Variants in GTSF1 observed in about 807,000 individuals in gnomAD.
GTSF1 encodes gametocyte specific factor 1.
A neutral mutation model predicts 28.9 loss-of-function variants in GTSF1; 11 were observed. The observed-to-expected ratio is 0.38, with a 90% CI of 0.24 to 0.63. The LOEUF is 0.63. Ranked by LOEUF, GTSF1 falls within the 30% of genes least tolerant of loss-of-function variation. GTSF1 has a pLI of 0.56. For missense variants in GTSF1, 146 were observed against 201.0 expected, an observed-to-expected ratio of 0.73 and a Z score of 1.66; for synonymous variants, 69 against 65.6, an observed-to-expected ratio of 1.05 and a Z score of -0.25.
At chr12:54,471,177 T>A (rs1416325665) in intron 2 of GTSF1, 56 bp downstream of exon 2, 5 of 1,395,352 alleles carry the variant, frequency 3.6e-6, no homozygotes, top group Non-Finnish European at 4.9e-6. Context: ...TTGTCAGATA[T>A]AAAACTATAC....
rs748392450 is a variant in GTSF1, at chr12:54,465,200, G to A, written c.17-33C>T. 1.3e-5 allele frequency: 18 copies of A among 1,413,532 alleles called. No individual in the cohort carries two copies. In the South Asian group the frequency reaches 1.8e-4, roughly 14 times the overall value. The allele number at this position is 1,413,532 out of a possible 1,614,324, so 87.6% of individuals were successfully genotyped here. ...ACAGAAGTGTTTCAGTAGGTAAAACGATAATAGGCCCTTGTAAAACTACAG... is the reference window on the plus strand; with the variant it reads ...ACAGAAGTGTTTCAGTAGGTAAAACAATAATAGGCCCTTGTAAAACTACAG... On this transcript the variant is annotated intron_variant, in intron 2 of 8. Transcript: ENST00000305879.
intron 7 of GTSF1, 39 bp downstream of exon 7, chr12:54,460,338 A>G: frequency 2.1e-6 from 3 of 1,402,666 alleles, no homozygotes; most frequent in Middle Eastern, 1.8e-4. Flanking sequence ...ATTTAGCACA[A>G]TGAAAAGAGT....
Position 54,462,245 on chromosome 12 carries a change from A to G in GTSF1, c.329-73T>C. 6 of 1,079,778 alleles carry G rather than the reference A, an allele frequency of 5.6e-6. No individual in the cohort carries two copies. The South Asian group carries it at 7.8e-5, about 14-fold the overall frequency. The allele number at this position is 1,079,778 out of a possible 1,614,324, so 66.9% of individuals were successfully genotyped here. A position where few individuals can be genotyped will look rare whatever the true frequency, so the allele number is the denominator to read the frequency against. ...CCAGCAGTTCATGTTGGTTGAATTT[A>G]TAAGATGGGAAATAATACACCTAAG... On this transcript the variant is annotated intron_variant, in intron 5 of 8. Coordinates refer to ENST00000305879, the MANE Select transcript of GTSF1 (RefSeq NM_144594.3).
Position 54,471,288 on chromosome 12 carries a change from CAA to C in GTSF1, c.-29-13_-29-12del. ...AGCTGAATCCAAGTGCTGGAAAAAA[CAA>C]AAGTGTGATTCAGGAAATCAGAAAT... On this transcript the variant is annotated splice_polypyrimidine_tract_variant and intron_variant, in intron 1 of 8. Coordinates refer to ENST00000305879, the MANE Select transcript of GTSF1 (RefSeq NM_144594.3). 1 of 1,578,204 alleles carries C rather than the reference CAA, an allele frequency of 6.3e-7. No homozygotes were observed. The highest frequency in any genetic ancestry group is 8.6e-7 in the Non-Finnish European group (1 of 1,161,436).
chr12:54,471,349 G>C, intron 1 of GTSF1, 72 bp from the exon 2 acceptor site: 15 of 1,022,714 alleles, frequency 1.5e-5, no homozygotes, highest in Non-Finnish European at 2.1e-5. Context: ...AAGAAGTGGA[G>C]TCACTTCTGG....
Position 54,462,669 on chromosome 12 carries a change from G to C in GTSF1, c.301C>G (p.Pro101Ala), listed in dbSNP as rs139450585. Reference protein sequence around the residue: ...ETLAESTWQCPPCDEDWDKDL... With the variant: ...ETLAESTWQCAPCDEDWDKDL... ...TTATCCCAGTCTTCATCGCAAGGAG[G>C]GCACTGCCAAGTGCTCTCAGCCAGA... Residue 101 changes from proline (P) to alanine (A), a missense_variant, in exon 5 of 9, where the codon CCT (proline) becomes GCT (alanine). Pro to Ala is a conservative substitution (Grantham distance 27). Coordinates refer to ENST00000305879, the MANE Select transcript of GTSF1 (RefSeq NM_144594.3). 13 of 1,613,768 alleles carry C rather than the reference G, an allele frequency of 8.1e-6. No individual in the cohort carries two copies. The highest frequency in any genetic ancestry group is 1.0e-5 in the Non-Finnish European group (12 of 1,179,798).
chr12:54,470,500 C>A (rs1244569250), intron 2 of GTSF1, among the ~76,000 whole-genome samples: 1 of 152,096 alleles, frequency 6.6e-6, no homozygotes, highest in Non-Finnish European at 1.5e-5. Context: ...ACTGAAATAT[C>A]CTTTAGTTGG....
intron 5 of GTSF1, 48 bp downstream of exon 5, chr12:54,462,594 G>T: frequency 1.4e-6 from 2 of 1,451,804 alleles, no homozygotes; most frequent in South Asian, 2.3e-5. Flanking sequence ...TTAAGCAAAT[G>T]ACTTGAGATT....
At chr12:54,465,215 T>C in intron 2 of GTSF1, 48 bp from the exon 3 acceptor site, 1 of 1,248,422 alleles carries the variant, frequency 8.0e-7, no homozygotes, top group Non-Finnish European at 1.2e-6. Flanking sequence ...TAGGCCCTTG[T>C]AAAACTACAG....
In GTSF1 at chr12:54,460,407, AT is replaced by A. The variant is rs1334057950; in HGVS notation, c.456del (p.Lys152AsnfsTer18). 1 of 1,613,860 alleles carries A rather than the reference AT, an allele frequency of 6.2e-7. No individual in the cohort carries two copies. Among genetic ancestry groups the A allele is most frequent in the Admixed American group, 1.7e-5 (1 of 60,008 alleles). On this transcript the variant is annotated frameshift_variant, in exon 7 of 9. Coordinates refer to ENST00000305879, the MANE Select transcript of GTSF1 (RefSeq NM_144594.3). LOFTEE classifies it high-confidence loss of function. ...NNLASGMRVP[K>X]SLPYVLPWKN... ...TTCCATGGCAGAACATACGGCAGAGATTTGGGAACTCGCATGCCTGAAGCCA... is the reference window on the plus strand; with the variant it reads ...TTCCATGGCAGAACATACGGCAGAGATTGGGAACTCGCATGCCTGAAGCCA...
chr12:54,460,518 A>G, intron 6 of GTSF1, 47 bp from the exon 7 acceptor site: 1 of 1,246,590 alleles, frequency 8.0e-7, no homozygotes, highest in Admixed American at 1.7e-5. Context: ...GTATCATTCA[A>G]GCAGGCACAC....
At chr12:54,462,946 T>C (rs1956448024) in intron 4 of GTSF1, among the ~76,000 whole-genome samples, 1 of 152,222 alleles carries the variant, frequency 6.6e-6, no homozygotes, top group Non-Finnish European at 1.5e-5. Flanking sequence ...AAAAGATTTA[T>C]TTTTAGATGA....
chr12:54,469,186 C>T (rs1300022446), intron 2 of GTSF1, among the ~76,000 whole-genome samples: 1 of 152,096 alleles, frequency 6.6e-6, no homozygotes, highest in Non-Finnish European at 1.5e-5. Context: ...CCAAGCAATT[C>T]TCCTGCCTCA....
chr12:54,458,679 AAACT>A (rs1956373680), intron 8 of GTSF1, among the ~76,000 whole-genome samples: 2 of 152,148 alleles, frequency 1.3e-5, no homozygotes, highest in South Asian at 4.1e-4. Context: ...CAGAAACCCA[AAACT>A]TTTAAGTGCT....
intron 3 of GTSF1, 147 bp downstream of exon 3, chr12:54,464,920 T>G: frequency 1.9e-6 from 1 of 518,016 alleles, no homozygotes; most frequent in Non-Finnish European, 3.5e-6. Flanking sequence ...AACAAATGCC[T>G]TTCTATAAAT....
intron 6 of GTSF1, among the ~76,000 whole-genome samples, chr12:54,461,231 C>A (rs1956417080): frequency 1.3e-5 from 2 of 151,966 alleles, no homozygotes; most frequent in Admixed American, 1.3e-4. Context: ...GTAGCTGAGA[C>A]TATAGGCATC....
chr12:54,457,069 G>A (rs539219282), intron 8 of GTSF1, among the ~76,000 whole-genome samples: 36 of 152,198 alleles, frequency 2.4e-4, no homozygotes, highest in African/African-American at 7.7e-4. Flanking sequence ...TGTGTGACAG[G>A]AGCCAGACTC....
chr12:54,467,780 G>GTTTTTT (rs879902725), intron 2 of GTSF1, among the ~76,000 whole-genome samples: 1 of 142,278 alleles, frequency 7.0e-6, no homozygotes. Flanking sequence ...TTCCAGATTT[G>GTTTTTT]TTTTTTTTTT....
At chr12:54,460,005 C>T (rs1956398571) in intron 7 of GTSF1, among the ~76,000 whole-genome samples, 1 of 122,108 alleles carries the variant, frequency 8.2e-6, no homozygotes, top group African/African-American at 3.5e-5. Flanking sequence ...GGATTACAGG[C>T]GTGAGCCACC....
Sources: allele counts gnomAD v4.1 joint callset (sites outside exome capture counted in the v4.1 genomes callset), GRCh38; gene constraint gnomAD v4.1.1; transcripts MANE v1.5; gene names NCBI Gene and HGNC (gene_info 2026-07-23, HGNC 2026-07-21).